The following BAG1 variants were observed in gnomAD, a reference collection of about 807,000 sequenced individuals.
The protein encoded by BAG1 is BAG family molecular chaperone regulator 1.
A neutral mutation model predicts 35.5 loss-of-function variants in BAG1; 35 were observed. The observed-to-expected ratio is 0.99, with a 90% CI of 0.75 to 1.31. The LOEUF (loss-of-function observed/expected upper bound fraction) is 1.31, where lower values mean the gene tolerates loss of function less well. Among genes scored for constraint, BAG1 ranks in the 50% most tolerant of loss-of-function variants. The pLI is 0.00. For synonymous variants in BAG1, 191 were observed against 178.9 expected (o/e 1.07, Z -0.54); for missense variants, 464 against 453.6 (o/e 1.02, Z -0.21).
rs777456409 is a variant in BAG1, at chr9:33,255,283, A to G, written c.974T>C (p.Val325Ala). 3.7e-6 allele frequency: 6 copies of G among 1,614,224 alleles called. 1 individual carries two copies. In the South Asian group the frequency reaches 5.5e-5, roughly 15 times the overall value. ...AGTCTCCTGGCAGATGTTCTGCTCC[A>G]CTGTGTCACACTCGGCTAGGAATGC... is the stretch of plus-strand genomic sequence containing the variant. Residue 325 changes from valine to alanine, a missense_variant, in exon 7 of 7, where the codon GTG becomes GCG. Transcript: ENST00000634734.
At chr9:33,260,963 T>C in intron 3 of BAG1, 124 bp downstream of exon 3, 1 of 656,218 alleles carries the variant, frequency 1.5e-6, no homozygotes, top group Non-Finnish European at 2.5e-6. Flanking sequence ...AAGATTGTAT[T>C]TGTTTAGAGA....
intron 1 of BAG1, 158 bp downstream of exon 1, chr9:33,264,066 G>C: frequency 1.1e-6 from 1 of 884,178 alleles, no homozygotes; most frequent in Non-Finnish European, 1.7e-6. Context: ...CACAAGCCCG[G>C]GACAAAAGAC....
Position 33,253,827 on chromosome 9 carries a change from CTTT to C in BAG1, c.*1389_*1391del. On this transcript the variant is annotated 3_prime_UTR_variant, in exon 7 of 7. Coordinates refer to ENST00000634734, the MANE Select transcript of BAG1 (RefSeq NM_004323.6). ...ATGAGCACATAAACAGTTTTTTTTT[CTTT>C]TTATTTATCTACTTTTACTTACTTA... 7.2e-6 allele frequency: 1 copy of C among 138,442 alleles called. No homozygotes were observed. Among genetic ancestry groups the C allele is most frequent in the East Asian group, 2.1e-4 (1 of 4,778 alleles). The allele number at this position is 138,442 out of a possible 1,614,324, so 8.6% of individuals were successfully genotyped here.
At position 33,255,276 on chromosome 9, in the gene BAG1, C is replaced by A; in HGVS notation, c.981G>T (p.Gln327His). 3.7e-6 allele frequency: 6 copies of A among 1,614,236 alleles called. No individual in the cohort carries two copies. In the South Asian group the frequency reaches 4.4e-5, roughly 12 times the overall value. ...GCCGCTCAGTCTCCTGGCAGATGTT[C>A]TGCTCCACTGTGTCACACTCGGCTA... Residue 327 changes from glutamine (Q) to histidine (H), a missense_variant, in exon 7 of 7, where the codon CAG becomes CAT. Transcript: ENST00000634734.
Position 33,264,593 on chromosome 9 carries a change from G to A in BAG1, c.82C>T (p.Arg28Trp), listed in dbSNP as rs1820670448. 4 of 1,391,760 alleles carry A rather than the reference G, an allele frequency of 2.9e-6. No individual in the cohort carries two copies. Among genetic ancestry groups the A allele is most frequent in the Non-Finnish European group, 3.7e-6 (4 of 1,083,132 alleles). 86.2% of individuals were successfully genotyped at this position (1,391,760 alleles called of 1,614,324 possible). A position where few individuals can be genotyped will look rare whatever the true frequency, so the allele number is the denominator to read the frequency against. Residue 28 changes from arginine (R) to tryptophan (W), a missense_variant, in exon 1 of 7, where the codon CGG (arginine) becomes TGG (tryptophan). Arg to Trp is a moderately radical substitution (Grantham distance 101). Coordinates refer to ENST00000634734, the MANE Select transcript of BAG1 (RefSeq NM_004323.6). ...GGGGGCTCCGACTGGCGCGGCTCCC[G>A]GCCTGGCCGAAGGGCGCGCAGCCGG... is the stretch of plus-strand genomic sequence containing the variant.
Position 33,264,635 on chromosome 9 carries a change from G to C in BAG1, c.40C>G (p.Arg14Gly). Reference sequence around the variant, plus strand: ...CGCAGCCGGGAACCCAGCCGCTCCCGGTCGCCTCGCGGTCTCCGCGCCCCC... The same window carrying C: ...CGCAGCCGGGAACCCAGCCGCTCCCCGTCGCCTCGCGGTCTCCGCGCCCCC... The change falls in exon 1 of 7, where the codon CGG (arginine) becomes GGG (glycine). Residue 14 changes from arginine (R) to glycine (G), a missense_variant. Transcript: ENST00000634734. 1.5e-6 allele frequency: 2 copies of C among 1,347,662 alleles called. No homozygotes were observed. Among genetic ancestry groups the C allele is most frequent in the Non-Finnish European group, 1.9e-6 (2 of 1,058,304 alleles). 83.5% of individuals were successfully genotyped at this position (1,347,662 alleles called of 1,614,324 possible).
Position 33,262,691 on chromosome 9 carries a change from G to C in BAG1, c.580+11C>G. On this transcript the variant is annotated intron_variant, in intron 2 of 6. Transcript: ENST00000634734. ...AAAAAGAAAAAGAAAGAAAGAAAAA[G>C]AAATGCTTACCCTTAAATATGAGTT... 1 of 1,564,330 alleles carries C rather than the reference G, an allele frequency of 6.4e-7. No homozygotes were observed. Among genetic ancestry groups the C allele is most frequent in the Non-Finnish European group, 8.6e-7 (1 of 1,162,196 alleles).
At position 33,252,557 on chromosome 9, in the gene BAG1, T is replaced by TTATGTTA. The variant is rs139070035; in HGVS notation, c.*2661_*2662insTAACATA. ...TGTTATATATGTTATATATGTTATG[T>TTATGTTA]TATATATATATATGTTATATATGTA... On this transcript the variant is annotated 3_prime_UTR_variant, in exon 7 of 7. Coordinates refer to ENST00000634734, the MANE Select transcript of BAG1 (RefSeq NM_004323.6). 4.0e-5 allele frequency: 6 copies of TTATGTTA among 148,162 alleles called. No homozygotes were observed. Among genetic ancestry groups the TTATGTTA allele is most frequent in the African/African-American group, 1.5e-4 (6 of 40,132 alleles). 9.2% of individuals were successfully genotyped at this position (148,162 alleles called of 1,614,324 possible).
chr9:33,259,084 G>C, intron 3 of BAG1, 51 bp from the exon 4 acceptor site: 1 of 1,485,640 alleles, frequency 6.7e-7, no homozygotes, highest in Admixed American at 1.7e-5. Context: ...GAACAGGCTG[G>C]GCATGGTGGC....
rs1820416597 is a variant in BAG1, at chr9:33,254,814, C to T, written c.*405G>A. 2.8e-6 allele frequency: 1 copy of T among 357,456 alleles called. No homozygotes were observed. The highest frequency in any genetic ancestry group is 4.0e-5 in the Admixed American group (1 of 25,316). The allele number at this position is 357,456 out of a possible 1,614,324, so 22.1% of individuals were successfully genotyped here. On this transcript the variant is annotated 3_prime_UTR_variant, in exon 7 of 7. Transcript: ENST00000634734. ...CCTCCTGGTGATTCTGGTTTTACAG[C>T]TATGGGACTACACGATCACAAGAGC...
At position 33,254,689 on chromosome 9, in the gene BAG1, C is replaced by A; in HGVS notation, c.*530G>T. On this transcript the variant is annotated 3_prime_UTR_variant, in exon 7 of 7. Transcript: ENST00000634734. Reference sequence around the variant, plus strand: ...CAAAGTCTAGAACCCAACAACCCAGCCAGATGCTCTGGAATTAGGTCACAA... The same window carrying A: ...CAAAGTCTAGAACCCAACAACCCAGACAGATGCTCTGGAATTAGGTCACAA... 4.6e-6 allele frequency: 1 copy of A among 215,762 alleles called. No homozygotes were observed. Among genetic ancestry groups the A allele is most frequent in the Non-Finnish European group, 9.4e-6 (1 of 106,078 alleles). 13.4% of individuals were successfully genotyped at this position (215,762 alleles called of 1,614,324 possible). A position where few individuals can be genotyped will look rare whatever the true frequency, so the allele number is the denominator to read the frequency against.
chr9:33,254,965 C>G lies in BAG1; in HGVS notation c.*254G>C. 1 of 1,391,900 alleles carries G rather than the reference C, an allele frequency of 7.2e-7. No homozygotes were observed. Among genetic ancestry groups the G allele is most frequent in the Non-Finnish European group, 9.5e-7 (1 of 1,047,150 alleles). The allele number at this position is 1,391,900 out of a possible 1,614,324, so 86.2% of individuals were successfully genotyped here. A position where few individuals can be genotyped will look rare whatever the true frequency, so the allele number is the denominator to read the frequency against. On this transcript the variant is annotated 3_prime_UTR_variant, in exon 7 of 7. Transcript: ENST00000634734. ...GTCCAAACAGCTGGGAAAATTTGGG[C>G]AGAGGTGGCCCTCTCCAGAAAAGGT...
In BAG1 at chr9:33,264,382, G is replaced by T; in HGVS notation, c.293C>A (p.Ala98Glu). 6.2e-7 allele frequency: 1 copy of T among 1,611,454 alleles called. No homozygotes were observed. Among genetic ancestry groups the T allele is most frequent in the South Asian group, 1.1e-5 (1 of 90,860 alleles). The change falls in exon 1 of 7, where the codon GCG becomes GAG. Residue 98 changes from alanine to glutamate, a missense_variant. Physicochemically the swap from Ala to Glu is moderately radical, Grantham distance 107 (BLOSUM62 -1). Transcript: ENST00000634734. Reference sequence around the variant, plus strand: ...CTGGGTCGCCTCTTCACTCCAGGTCGCTTCCTCACTCAGGGTCAACTCCTC... The same window carrying T: ...CTGGGTCGCCTCTTCACTCCAGGTCTCTTCCTCACTCAGGGTCAACTCCTC...
At chr9:33,264,102 CACGCTTCCGG>C in intron 1 of BAG1, 112 bp downstream of exon 1, 1 of 1,197,248 alleles carries the variant, frequency 8.4e-7, no homozygotes, top group African/African-American at 1.5e-5. Context: ...ACCAATAACC[CACGCTTCCGG>C]ACGCCAGGAC....
At position 33,255,271 on chromosome 9, in the gene BAG1, A is replaced by T. The variant is rs1820428256; in HGVS notation, c.986T>A (p.Ile329Asn). Residue 329 changes from isoleucine to asparagine, a missense_variant, in exon 7 of 7, where the codon ATC becomes AAC. Ile to Asn is a moderately radical substitution (Grantham distance 149). Transcript: ENST00000634734. ...CTGCAGCCGCTCAGTCTCCTGGCAGATGTTCTGCTCCACTGTGTCACACTC... is the reference window on the plus strand; with the variant it reads ...CTGCAGCCGCTCAGTCTCCTGGCAGTTGTTCTGCTCCACTGTGTCACACTC... 2 of 1,614,236 alleles carry T rather than the reference A, an allele frequency of 1.2e-6. No homozygotes were observed. Among genetic ancestry groups the T allele is most frequent in the Admixed American group, 1.7e-5 (1 of 60,026 alleles).
chr9:33,263,474 A>G (rs955244555), intron 1 of BAG1, among the ~76,000 whole-genome samples: 1 of 152,236 alleles, frequency 6.6e-6, no homozygotes, highest in Non-Finnish European at 1.5e-5. Context: ...GCGGACAGCA[A>G]GGAGGGAGCC....
At chr9:33,261,062 A>G in intron 3 of BAG1, 25 bp downstream of exon 3, 1 of 1,573,654 alleles carries the variant, frequency 6.4e-7, no homozygotes, top group African/African-American at 1.4e-5. Context: ...GATTCTGAGG[A>G]TTTCTGATGG....
Position 33,261,149 on chromosome 9 carries a change from C to T in BAG1, c.601G>A (p.Glu201Lys), listed in dbSNP as rs1820561825. 2.5e-6 allele frequency: 4 copies of T among 1,609,746 alleles called. No homozygotes were observed. The highest frequency in any genetic ancestry group is 3.4e-6 in the Non-Finnish European group (4 of 1,178,226). Residue 201 changes from glutamate (E) to lysine (K), a missense_variant, in exon 3 of 7, where the codon GAA becomes AAA. Transcript: ENST00000634734. ...ATTCCAAGTGCTGACAACGGTGTTT[C>T]CATTTCCTTCAGAGATTTTCCTAAA...
At chr9:33,262,886 G>C in intron 1 of BAG1, 56 bp from the exon 2 acceptor site, 1 of 1,595,352 alleles carries the variant, frequency 6.3e-7, no homozygotes. Context: ...CACCAATATA[G>C]GATGACACTT....
Sources: gnomAD v4.1 joint callset for allele counts (sites outside exome capture counted in the v4.1 genomes callset) on GRCh38, gnomAD v4.1.1 for gene constraint, MANE v1.5 for transcripts, NCBI Gene and HGNC (gene_info 2026-07-23, HGNC 2026-07-21) for gene names.